DPP10: variants seen among roughly 807,000 people sequenced by gnomAD.
DPP10 encodes inactive dipeptidyl peptidase 10.
In DPP10, 33 loss-of-function variants were observed where a neutral mutation model predicts 120.9. The ratio of observed to expected loss-of-function variants is 0.27; its 90% CI spans 0.21 to 0.37. The LOEUF is 0.37. Among genes scored for constraint, DPP10 ranks in the 10% least tolerant of loss-of-function variants. The pLI is 1.00. For synonymous variants in DPP10, 337 were observed against 326.1 expected (o/e 1.03, Z -0.36); for missense variants, 816 against 942.8 (o/e 0.87, Z 1.76).
rs188308395 is a variant in DPP10 at position 115,284,677 on chromosome 2, T to G, written c.61-24562T>G. Reference sequence around the variant, plus strand: ...GGAAGAGAGATGCTACTGAATTGGGTGCAGTGAGGGGAAAACATGGGAGTT... The same window carrying G: ...GGAAGAGAGATGCTACTGAATTGGGGGCAGTGAGGGGAAAACATGGGAGTT... On this transcript the variant is annotated intron_variant, in intron 1 of 25. Coordinates refer to ENST00000410059, the MANE Select transcript of DPP10 (RefSeq NM_020868.6). 6.6e-5 allele frequency among the ~76,000 whole-genome samples: 10 copies of G among 151,956 alleles called. No individual in the cohort carries two copies. In the East Asian group the frequency reaches 1.9e-3, roughly 29 times the overall value.
chr2:115,529,501 A>G (rs1312555383), intron 5 of DPP10, among the ~76,000 whole-genome samples: 2 of 151,342 alleles, frequency 1.3e-5, no homozygotes, highest in Non-Finnish European at 2.9e-5. Context: ...TTATTTTATT[A>G]AGTGTATGGA....
chr2:115,466,506 C>T (rs1447052543), intron 3 of DPP10, among the ~76,000 whole-genome samples: 1 of 151,976 alleles, frequency 6.6e-6, no homozygotes, highest in Non-Finnish European at 1.5e-5. Flanking sequence ...GTGATTATTG[C>T]CAAAACTTCT....
At chr2:114,689,342 C>T (rs2105758190) in intron 1 of DPP10, among the ~76,000 whole-genome samples, 1 of 152,068 alleles carries the variant, frequency 6.6e-6, no homozygotes, top group East Asian at 1.9e-4. Context: ...GTTTGGTTTC[C>T]TGTTCCTGCA....
At chr2:115,522,572 A>C (rs1166558565) in intron 4 of DPP10, among the ~76,000 whole-genome samples, 1 of 152,176 alleles carries the variant, frequency 6.6e-6, no homozygotes, top group Non-Finnish European at 1.5e-5. Context: ...TGCTTAATTC[A>C]TCTAGTTAAT....
At chr2:114,971,734 C>T (rs1481365574) in intron 1 of DPP10, among the ~76,000 whole-genome samples, 1 of 151,734 alleles carries the variant, frequency 6.6e-6, no homozygotes, top group Non-Finnish European at 1.5e-5. Context: ...AGATTAATTC[C>T]CACTTTTTCT....
At chr2:114,892,833 G>A (rs1431207944) in intron 1 of DPP10, among the ~76,000 whole-genome samples, 1 of 152,042 alleles carries the variant, frequency 6.6e-6, no homozygotes, top group Non-Finnish European at 1.5e-5. Flanking sequence ...CAAAAACCCA[G>A]GACACAGGAT....
intron 17 of DPP10, among the ~76,000 whole-genome samples, chr2:115,782,956 G>A (rs372469397): frequency 4.6e-5 from 7 of 152,196 alleles, no homozygotes; most frequent in Admixed American, 1.3e-4. Context: ...CACTGAAAGA[G>A]TGTTTTGTTC....
At chr2:115,141,323 T>C (rs2050915925) in intron 1 of DPP10, among the ~76,000 whole-genome samples, 1 of 152,196 alleles carries the variant, frequency 6.6e-6, no homozygotes, top group African/African-American at 2.4e-5. Context: ...GAAAGGAATA[T>C]TCACCGATTA....
chr2:115,138,931 T>C (rs2050781638), intron 1 of DPP10, among the ~76,000 whole-genome samples: 1 of 152,142 alleles, frequency 6.6e-6, no homozygotes, highest in South Asian at 2.1e-4. Context: ...GGGCAAAATG[T>C]CTTTAAAATT....
intron 4 of DPP10, among the ~76,000 whole-genome samples, chr2:115,503,070 ATC>A (rs1329521993): frequency 2.0e-5 from 3 of 152,070 alleles, no homozygotes; most frequent in Non-Finnish European, 4.4e-5. Flanking sequence ...CTAATCTGAA[ATC>A]TCTGAAACTC....
At chr2:114,822,611 CTT>C (rs973774608) in intron 1 of DPP10, among the ~76,000 whole-genome samples, 1 of 146,720 alleles carries the variant, frequency 6.8e-6, no homozygotes, top group Admixed American at 6.8e-5. Flanking sequence ...ATTTTCCAAA[CTT>C]TTTTTTTTTT....
chr2:115,274,977 G>A (rs564596831), intron 1 of DPP10, among the ~76,000 whole-genome samples: 1 of 152,064 alleles, frequency 6.6e-6, no homozygotes, highest in African/African-American at 2.4e-5. Context: ...ATCCTATTTT[G>A]TTTTCTTTTA....
intron 5 of DPP10, among the ~76,000 whole-genome samples, chr2:115,561,375 A>AAG (rs1435932841): frequency 1.3e-5 from 2 of 150,514 alleles, no homozygotes; most frequent in East Asian, 3.9e-4. Flanking sequence ...AAAAAAAAAA[A>AAG]AAAAAAAAAG....
At chr2:115,260,968 A>G (rs2059226586) in intron 1 of DPP10, among the ~76,000 whole-genome samples, 1 of 152,232 alleles carries the variant, frequency 6.6e-6, no homozygotes, top group African/African-American at 2.4e-5. Context: ...AACCATAATT[A>G]GTATTTGCCC....
chr2:115,507,617 G>A (rs2077015412), intron 4 of DPP10, among the ~76,000 whole-genome samples: 2 of 152,138 alleles, frequency 1.3e-5, no homozygotes, highest in African/African-American at 2.4e-5. Context: ...GTGGACATGG[G>A]TAGAGAATGG....
chr2:115,563,709 C>T (rs991041208), intron 5 of DPP10, among the ~76,000 whole-genome samples: 2 of 152,074 alleles, frequency 1.3e-5, no homozygotes, highest in South Asian at 2.1e-4. Context: ...ATTTCTGAGA[C>T]AGAATAAAGT....
intron 1 of DPP10, among the ~76,000 whole-genome samples, chr2:114,532,309 A>C (rs1686084103): frequency 7.0e-6 from 1 of 141,852 alleles, no homozygotes; most frequent in African/African-American, 2.7e-5. Context: ...ACACACACAC[A>C]CACACACAGA....
chr2:115,810,790 A>T (rs1195159289), intron 19 of DPP10, among the ~76,000 whole-genome samples: 1 of 152,174 alleles, frequency 6.6e-6, no homozygotes, highest in Non-Finnish European at 1.5e-5. Flanking sequence ...CTTACTGTGA[A>T]TCCCCAAAGA....
At chr2:114,758,283 G>T (rs1679971386) in intron 1 of DPP10, among the ~76,000 whole-genome samples, 1 of 152,202 alleles carries the variant, frequency 6.6e-6, no homozygotes, top group Non-Finnish European at 1.5e-5. Context: ...TAACCTTCAA[G>T]AGTGGTCCCA....
Sources: allele counts gnomAD v4.1 joint callset (sites outside exome capture counted in the v4.1 genomes callset), GRCh38; gene constraint gnomAD v4.1.1; transcripts MANE v1.5; gene names NCBI Gene and HGNC (gene_info 2026-07-23, HGNC 2026-07-21).